SLC44A3: variants seen among roughly 807,000 people sequenced by gnomAD.
SLC44A3 encodes choline transporter-like protein 3.
Under a neutral mutation model 75.4 loss-of-function variants are expected in SLC44A3, and 74 were observed. The ratio of observed to expected loss-of-function variants is 0.98; its 90% CI spans 0.81 to 1.19. The LOEUF is 1.19. Ranked by LOEUF, SLC44A3 falls within the 50% of genes most tolerant of loss-of-function variation. SLC44A3 has a pLI of 0.00. For synonymous variants in SLC44A3, 310 were observed against 296.9 expected, an observed-to-expected ratio of 1.04 and a Z score of -0.45; for missense variants, 700 against 778.6, an observed-to-expected ratio of 0.90 and a Z score of 1.20.
At chr1:94,868,736 A>C (rs1428297501) in intron 12 of SLC44A3, among the ~76,000 whole-genome samples, 1 of 152,282 alleles carries the variant, frequency 6.6e-6, no homozygotes, top group African/African-American at 2.4e-5. Flanking sequence ...ATAGACTAGA[A>C]AGACAAAAGC....
rs946522443 is a variant in SLC44A3, at chr1:94,837,797, A to T, written c.596A>T (p.Asp199Val). 3.7e-6 allele frequency: 6 copies of T among 1,612,966 alleles called. No individual in the cohort carries two copies. The highest frequency in any genetic ancestry group is 5.1e-6 in the Non-Finnish European group (6 of 1,179,688). ...GCATCTGTTTTGATAAATGATGTTGACACCCTCCACCGAATTCTAAGTGGA... is the reference window on the plus strand; with the variant it reads ...GCATCTGTTTTGATAAATGATGTTGTCACCCTCCACCGAATTCTAAGTGGA... ...LFASVLINDV[D>V]TLHRILSGIM... Residue 199 changes from aspartate (D) to valine (V), a missense_variant, in exon 6 of 15, where the codon GAC becomes GTC. Physicochemically the swap from Asp to Val is radical, Grantham distance 152. Coordinates refer to ENST00000271227, the MANE Select transcript of SLC44A3 (RefSeq NM_001114106.3).
At chr1:94,853,950 T>G (rs6702116) in intron 9 of SLC44A3, among the ~76,000 whole-genome samples, 2,854 of 152,106 alleles carry the variant, frequency 0.019, 116 homozygotes, top group African/African-American at 0.066. Context: ...CAATAAATGT[T>G]TAAGTTAATT....
At chr1:94,825,675 A>C (rs932871586) in intron 3 of SLC44A3, among the ~76,000 whole-genome samples, 8 of 152,152 alleles carry the variant, frequency 5.3e-5, no homozygotes, top group South Asian at 4.1e-4. Context: ...CCTAGAAGAG[A>C]AATCCTAAGG....
chr1:94,834,247 G>A (rs1446193514), intron 5 of SLC44A3, among the ~76,000 whole-genome samples: 1 of 152,100 alleles, frequency 6.6e-6, no homozygotes, highest in African/African-American at 2.4e-5. Context: ...CTTGGATAAG[G>A]AAAATACCAG....
intron 9 of SLC44A3, among the ~76,000 whole-genome samples, chr1:94,847,828 TG>T (rs143911211): frequency 0.013 from 2,025 of 152,304 alleles, 46 homozygotes; most frequent in African/African-American, 0.047. Context: ...GTCATACAGC[TG>T]GGAGGCATGA....
intron 12 of SLC44A3, among the ~76,000 whole-genome samples, chr1:94,890,909 A>G (rs1048756675): frequency 6.6e-6 from 1 of 152,210 alleles, no homozygotes; most frequent in Non-Finnish European, 1.5e-5. Context: ...TGGGACATTC[A>G]TATTAACCAT....
At chr1:94,836,931 A>T (rs1241123039) in intron 5 of SLC44A3, 1 of 127,516 alleles carries the variant, frequency 7.8e-6, no homozygotes, top group Non-Finnish European at 1.7e-5. Flanking sequence ...AAAAAAAAAA[A>T]AAAAAGAGGT....
intron 12 of SLC44A3, among the ~76,000 whole-genome samples, chr1:94,869,464 T>A (rs12565150): frequency 0.22 from 34,112 of 152,112 alleles, 3,985 homozygotes; most frequent in African/African-American, 0.28. Flanking sequence ...TGGCTAAACC[T>A]GCTTTGTAGT....
chr1:94,863,091 C>G (rs1666767532), intron 10 of SLC44A3, among the ~76,000 whole-genome samples: 1 of 152,056 alleles, frequency 6.6e-6, no homozygotes. Flanking sequence ...AGGGCTGTTT[C>G]TAGTTTTGAG....
chr1:94,871,194 C>A (rs987449288), intron 12 of SLC44A3, among the ~76,000 whole-genome samples: 1 of 152,174 alleles, frequency 6.6e-6, no homozygotes, highest in South Asian at 2.1e-4. Flanking sequence ...ACAAGTAGAG[C>A]TGGCAGAGCA....
At chr1:94,855,242 AC>A (rs1665738058) in intron 9 of SLC44A3, 1 of 152,172 alleles carries the variant, frequency 6.6e-6, no homozygotes, top group Non-Finnish European at 1.5e-5. Flanking sequence ...GGACATACTT[AC>A]CTTTGTCTGT....
At position 94,827,587 on chromosome 1, in the gene SLC44A3, G is replaced by A. The variant is rs745738225; in HGVS notation, c.359G>A (p.Cys120Tyr). 37 of 1,614,022 alleles carry A rather than the reference G, an allele frequency of 2.3e-5. No individual in the cohort carries two copies. Among genetic ancestry groups the A allele is most frequent in the Non-Finnish European group, 3.1e-5 (37 of 1,180,026 alleles). ...LNRMALCVSNCPEEQLDSLEE... is the reference protein window; with the variant it reads ...LNRMALCVSNYPEEQLDSLEE... ...CGCATGGCCCTCTGTGTATCCAACT[G>A]CCCTGAAGAGCAGCTTGACTCCCTG... is the stretch of plus-strand genomic sequence containing the variant. The change falls in exon 4 of 15, where the codon TGC becomes TAC. Residue 120 changes from cysteine to tyrosine, a missense_variant. Coordinates refer to ENST00000271227, the MANE Select transcript of SLC44A3 (RefSeq NM_001114106.3).
chr1:94,894,282 C>T (rs898149829), intron 14 of SLC44A3, among the ~76,000 whole-genome samples: 3 of 152,104 alleles, frequency 2.0e-5, no homozygotes, highest in African/African-American at 7.2e-5. Context: ...ACTGAAGAAG[C>T]CTCAAGAACT....
In SLC44A3 at chr1:94,838,661, G is replaced by T. The variant is rs539415317; in HGVS notation, c.670+790G>T. ...TTTTCCACAATTTCATTACTAAAAG[G>T]TTCCTAATTCCTGAATGCTTGGGGA... On this transcript the variant is annotated intron_variant, in intron 6 of 14. Coordinates refer to ENST00000271227, the MANE Select transcript of SLC44A3 (RefSeq NM_001114106.3). 5.9e-5 allele frequency among the ~76,000 whole-genome samples: 9 copies of T among 152,286 alleles called. No individual in the cohort carries two copies. The South Asian group carries it at 6.2e-4, about 11-fold the overall frequency.
At chr1:94,875,470 C>T (rs1668173840) in intron 12 of SLC44A3, among the ~76,000 whole-genome samples, 1 of 152,200 alleles carries the variant, frequency 6.6e-6, no homozygotes, top group Non-Finnish European at 1.5e-5. Flanking sequence ...AGAGCTCATT[C>T]TGATTCCATT....
intron 9 of SLC44A3, among the ~76,000 whole-genome samples, chr1:94,851,871 C>T (rs1360143002): frequency 3.9e-5 from 6 of 152,206 alleles, no homozygotes; most frequent in African/African-American, 1.4e-4. Flanking sequence ...TTATCCTGAC[C>T]AGCTGGACTG....
intron 12 of SLC44A3, among the ~76,000 whole-genome samples, chr1:94,875,392 C>G (rs1316323939): frequency 6.6e-6 from 1 of 152,210 alleles, no homozygotes; most frequent in Non-Finnish European, 1.5e-5. Context: ...ATGAAACAGC[C>G]TCCCCTCATA....
At chr1:94,832,957 A>T (rs1662310272) in intron 5 of SLC44A3, among the ~76,000 whole-genome samples, 1 of 144,572 alleles carries the variant, frequency 6.9e-6, no homozygotes, top group South Asian at 2.3e-4. Context: ...ACAGAGCAAG[A>T]CCCTGTCTCA....
At chr1:94,868,538 A>G (rs1273541037) in intron 12 of SLC44A3, among the ~76,000 whole-genome samples, 1 of 152,214 alleles carries the variant, frequency 6.6e-6, no homozygotes, top group Admixed American at 6.5e-5. Flanking sequence ...AGGACCTTTC[A>G]GAATGGGGGG....
Sources: allele counts gnomAD v4.1 joint callset (sites outside exome capture counted in the v4.1 genomes callset), GRCh38; gene constraint gnomAD v4.1.1; transcripts MANE v1.5; gene names NCBI Gene and HGNC (gene_info 2026-07-23, HGNC 2026-07-21).